Variants in KLHL5 observed in about 807,000 individuals in gnomAD.
The protein encoded by KLHL5 is kelch-like protein 5.
Under a neutral mutation model 77.7 loss-of-function variants are expected in KLHL5, and 48 were observed. That is an observed-to-expected ratio of 0.62 (90% CI 0.49 to 0.79). KLHL5 has a LOEUF of 0.79. Ranked by LOEUF, KLHL5 falls within the 30% of genes least tolerant of loss-of-function variation. The probability of loss-of-function intolerance (pLI) is 0.00; values close to 1 mark genes in which losing one functional copy is unlikely to be tolerated. For synonymous variants in KLHL5, 260 were observed against 297.0 expected, an observed-to-expected ratio of 0.88 and a Z score of 1.28; for missense variants, 723 against 859.7, an observed-to-expected ratio of 0.84 and a Z score of 1.99.
At position 39,107,861 on chromosome 4, in the gene KLHL5, C is replaced by T; in HGVS notation, c.1688+130C>T. ...GAAACTTTTAAAACAATGTCTCTTT[C>T]TATAATAGTTGTAAATATATTGTTT... On this transcript the variant is annotated intron_variant, in intron 8 of 10. Coordinates refer to ENST00000504108, the MANE Select transcript of KLHL5 (RefSeq NM_015990.5). 3 of 601,498 alleles carry T rather than the reference C, an allele frequency of 5.0e-6. No individual in the cohort carries two copies. In the South Asian group the frequency reaches 1.1e-4, roughly 22 times the overall value. The allele number at this position is 601,498 out of a possible 1,614,324, so 37.3% of individuals were successfully genotyped here. A position where few individuals can be genotyped will look rare whatever the true frequency, so the allele number is the denominator to read the frequency against.
At chr4:39,142,963 G>C in the KLHL5 span, among the ~76,000 whole-genome samples, 1 of 152,136 alleles carries the variant, frequency 6.6e-6, no homozygotes, top group Non-Finnish European at 1.5e-5. Context: ...GAGTCTTGTG[G>C]TGATGGTAGT....
chr4:39,072,850 T>C (rs940980613), intron 1 of KLHL5, among the ~76,000 whole-genome samples: 1 of 152,252 alleles, frequency 6.6e-6, no homozygotes, highest in East Asian at 1.9e-4. Context: ...AAGTTACAAT[T>C]AGGAGGAACA....
chr4:39,107,842 T>C, intron 8 of KLHL5, 111 bp downstream of exon 8: 1 of 708,224 alleles, frequency 1.4e-6, no homozygotes, highest in South Asian at 3.2e-5. Flanking sequence ...TGAAGAAACT[T>C]TTAAAACAAT....
the KLHL5 span, among the ~76,000 whole-genome samples, chr4:39,140,183 C>G: frequency 2.0e-5 from 3 of 152,102 alleles, no homozygotes; most frequent in Non-Finnish European, 4.4e-5. Context: ...GAGCCAAGAT[C>G]ACCCCACTGC....
upstream of KLHL5, chr4:39,062,213 A>C: frequency 8.6e-7 from 1 of 1,161,400 alleles, no homozygotes; most frequent in South Asian, 2.5e-5. Flanking sequence ...TTAATATACT[A>C]AGCAGCAGAG....
rs1308826031 is a variant in KLHL5 at position 39,121,769 on chromosome 4, T to C, written c.*703T>C. The C allele has an allele frequency of 6.6e-6, 1 of 152,616 alleles. No individual in the cohort carries two copies. Among genetic ancestry groups the C allele is most frequent in the African/African-American group, 2.4e-5 (1 of 41,462 alleles). The allele number at this position is 152,616 out of a possible 1,614,324, so 9.5% of individuals were successfully genotyped here. On this transcript the variant is annotated 3_prime_UTR_variant, in exon 11 of 11. Transcript: ENST00000504108. ...ATGATGTTAAGTTGAAGTTGAAACA[T>C]GATGTTTTGCATTAAATTTAAGATA... is the stretch of plus-strand genomic sequence containing the variant.
At chr4:39,064,372 G>T (rs1384034418) in intron 1 of KLHL5, among the ~76,000 whole-genome samples, 1 of 152,016 alleles carries the variant, frequency 6.6e-6, no homozygotes. Flanking sequence ...TTCATTGTTT[G>T]TATTTTCTTT....
intron 6 of KLHL5, among the ~76,000 whole-genome samples, chr4:39,097,562 C>T (rs1234295331): frequency 6.6e-6 from 1 of 151,936 alleles, no homozygotes; most frequent in Admixed American, 6.6e-5. Flanking sequence ...GCCGTCCTTG[C>T]CAGGAGCATA....
At chr4:39,077,721 C>CAAAAAAA (rs1719209879) in intron 2 of KLHL5, among the ~76,000 whole-genome samples, 1 of 121,786 alleles carries the variant, frequency 8.2e-6, no homozygotes, top group Non-Finnish European at 1.8e-5. Context: ...AAAAAACAAA[C>CAAAAAAA]AAACAAAAAA....
At chr4:39,078,435 C>T (rs1265845290) in intron 2 of KLHL5, among the ~76,000 whole-genome samples, 2 of 151,124 alleles carry the variant, frequency 1.3e-5, no homozygotes, top group African/African-American at 4.9e-5. Flanking sequence ...GGCTCAGGAC[C>T]TGTAATCCTA....
In KLHL5 at chr4:39,081,868, G is replaced by A. The variant is rs1217764827; in HGVS notation, c.704-95G>A. ...TGTAGGTCTGTAATGCATGTAATGA[G>A]CTCTTATATGGAACCACTACTGTTA... On this transcript the variant is annotated intron_variant, in intron 3 of 10. Transcript: ENST00000504108. This position sits in a 1 kb window ranked among gnomAD's most constrained non-coding sequence, Gnocchi z 4.3. 1.2e-5 allele frequency: 10 copies of A among 854,380 alleles called. No individual in the cohort carries two copies. Among genetic ancestry groups the A allele is most frequent in the Non-Finnish European group, 1.7e-5 (10 of 579,882 alleles). The allele number at this position is 854,380 out of a possible 1,614,324, so 52.9% of individuals were successfully genotyped here. A position where few individuals can be genotyped will look rare whatever the true frequency, so the allele number is the denominator to read the frequency against.
chr4:39,096,735 T>C lies in KLHL5; in HGVS notation c.1157T>C (p.Ile386Thr), dbSNP rs755191481. The C allele has an allele frequency of 1.9e-5, 30 of 1,613,152 alleles. No homozygotes were observed. Among genetic ancestry groups the C allele is most frequent in the Non-Finnish European group, 2.5e-5 (29 of 1,179,280 alleles). ...AATAATGTACTTTTTCGGGATGATA[T>C]AGAATGTCAGAAACTCATTATGGAA... ...MENNVLFRDDIECQKLIMEAM... is the reference protein window; with the variant it reads ...MENNVLFRDDTECQKLIMEAM... The change falls in exon 6 of 11, where the codon ATA becomes ACA. Residue 386 changes from isoleucine (I) to threonine (T), a missense_variant. Ile to Thr is a moderately conservative substitution (Grantham distance 89). Around this residue, in one of 3 missense-constraint regions of KLHL5, gnomAD observed 288 missense variants for 400.3 expected, o/e 0.72. Transcript: ENST00000504108.
intron 1 of KLHL5, among the ~76,000 whole-genome samples, chr4:39,072,776 C>T (rs1449525790): frequency 6.6e-6 from 1 of 152,046 alleles, no homozygotes; most frequent in East Asian, 1.9e-4. Flanking sequence ...GAAGTCTTAC[C>T]AGAGGTGCTT....
chr4:39,096,082 T>G (rs1423227198), intron 5 of KLHL5, among the ~76,000 whole-genome samples: 1 of 152,026 alleles, frequency 6.6e-6, no homozygotes, highest in Non-Finnish European at 1.5e-5. Flanking sequence ...CATATTTTCA[T>G]TTTATTTTTT....
chr4:39,087,858 C>G (rs1422268460), intron 5 of KLHL5, among the ~76,000 whole-genome samples: 3 of 152,064 alleles, frequency 2.0e-5, no homozygotes, highest in Admixed American at 2.0e-4. Flanking sequence ...TTATCTTGAG[C>G]ATAATGTATT....
chr4:39,080,394 G>A (rs1719500875), intron 2 of KLHL5, among the ~76,000 whole-genome samples: 1 of 151,868 alleles, frequency 6.6e-6, no homozygotes, highest in Non-Finnish European at 1.5e-5. Context: ...GGACATGGTA[G>A]TCACGTCTGT....
chr4:39,117,396 A>G (rs954621057), intron 10 of KLHL5, among the ~76,000 whole-genome samples: 1 of 152,184 alleles, frequency 6.6e-6, no homozygotes, highest in Non-Finnish European at 1.5e-5. Context: ...GAAACTTTCA[A>G]CCAAGAGAAT....
At position 39,062,256 on chromosome 4, in the gene KLHL5, G is replaced by C. The variant is rs753087317; in HGVS notation, c.-397G>C. On this transcript the variant is annotated 5_prime_UTR_variant, in exon 1 of 11. Coordinates refer to ENST00000504108, the MANE Select transcript of KLHL5 (RefSeq NM_015990.5). ...TACTGCAACGGGGATAGTGTTTTCT[G>C]TCTCTGTCATTTGTGGTTTAAGAAA... 2 of 1,289,282 alleles carry C rather than the reference G, an allele frequency of 1.6e-6. No homozygotes were observed. The highest frequency in any genetic ancestry group is 1.5e-5 in the African/African-American group (1 of 66,448). The allele number at this position is 1,289,282 out of a possible 1,614,324, so 79.9% of individuals were successfully genotyped here.
intron 10 of KLHL5, among the ~76,000 whole-genome samples, 181 bp from the exon 11 acceptor site, chr4:39,120,829 C>T (rs1033481244): frequency 2.0e-5 from 3 of 152,202 alleles, no homozygotes; most frequent in Non-Finnish European, 4.4e-5. Context: ...GTCTATGAAA[C>T]TTTGCCATGG....
Sources: gnomAD v4.1 joint callset for allele counts (sites outside exome capture counted in the v4.1 genomes callset) on GRCh38, gnomAD v4.1.1 for gene constraint, gnomAD v4.1.1 regional missense constraint, Gnocchi (gnomAD v3.1) non-coding constraint, MANE v1.5 for transcripts, NCBI Gene and HGNC (gene_info 2026-07-23, HGNC 2026-07-21) for gene names.